Variants in CMPK1 observed in about 807,000 individuals in gnomAD.
CMPK1 encodes the protein cytidine/uridine monophosphate kinase 1, also known as UMP-CMP kinase.
In CMPK1, 10 loss-of-function variants were observed where a neutral mutation model predicts 25.7. The ratio of observed to expected loss-of-function variants is 0.39; its 90% CI spans 0.24 to 0.66. The LOEUF (loss-of-function observed/expected upper bound fraction) is 0.66. Among genes scored for constraint, CMPK1 ranks in the 30% least tolerant of loss-of-function variants. The pLI, the probability that CMPK1 is intolerant of heterozygous loss-of-function variation, is 0.48. For synonymous variants in CMPK1, 106 were observed against 101.5 expected, an observed-to-expected ratio of 1.04 and a Z score of -0.27; for missense variants, 199 against 280.5, an observed-to-expected ratio of 0.71 and a Z score of 2.08.
At chr1:47,340,310 A>C (rs1197251520) in intron 1 of CMPK1, among the ~76,000 whole-genome samples, 1 of 151,648 alleles carries the variant, frequency 6.6e-6, no homozygotes, top group East Asian at 1.9e-4. Flanking sequence ...GTCTCAAAAA[A>C]AAAAAAAAGA....
intron 2 of CMPK1, among the ~76,000 whole-genome samples, chr1:47,369,471 T>G (rs976451835): frequency 1.3e-5 from 2 of 152,214 alleles, no homozygotes; most frequent in Non-Finnish European, 2.9e-5. Context: ...CACTTGGTCC[T>G]TTCTTCCCAA....
intron 1 of CMPK1, among the ~76,000 whole-genome samples, chr1:47,342,746 T>C (rs1646450904): frequency 6.7e-6 from 1 of 149,472 alleles, no homozygotes. Flanking sequence ...GCCTCCCGGG[T>C]TCAAGAAATT....
At chr1:47,376,591 C>T in intron 5 of CMPK1, 113 bp from the exon 6 acceptor site, 2 of 582,490 alleles carry the variant, frequency 3.4e-6, no homozygotes, top group Non-Finnish European at 6.2e-6. Context: ...GCTGGGATTA[C>T]AGATGTGAGC....
chr1:47,353,061 GTTTTTC>G (rs1646533961), intron 1 of CMPK1, among the ~76,000 whole-genome samples: 1 of 152,164 alleles, frequency 6.6e-6, no homozygotes, highest in Admixed American at 6.5e-5. Flanking sequence ...AGTGATTGAT[GTTTTTC>G]TAAAAAGTCA....
intron 1 of CMPK1, among the ~76,000 whole-genome samples, chr1:47,367,063 T>G (rs566806037): frequency 5.9e-5 from 9 of 152,184 alleles, no homozygotes; most frequent in Admixed American, 5.9e-4. Context: ...TTAATAGAGA[T>G]GAGGTCTGTG....
chr1:47,334,102 G>T lies in CMPK1; in HGVS notation c.157G>T (p.Ala53Ser), dbSNP rs764535721. 1.3e-6 allele frequency: 2 copies of T among 1,519,312 alleles called. No individual in the cohort carries two copies. The highest frequency in any genetic ancestry group is 1.2e-5 in the South Asian group (1 of 81,732). 94.1% of individuals were successfully genotyped at this position (1,519,312 alleles called of 1,614,324 possible). ...GPGAGKGTQCARIVEKYGYTH... is the reference protein window; with the variant it reads ...GPGAGKGTQCSRIVEKYGYTH... The stretch of plus-strand genomic sequence containing the variant: ...CGGCGCCGGCAAGGGGACCCAGTGC[G>T]CCCGCATCGTCGAGGTGAGGCCCGG... The change falls in exon 1 of 6, where the codon GCC becomes TCC. Residue 53 changes from alanine (A) to serine (S), a missense_variant. By Grantham distance (99) the Ala-to-Ser change is moderately conservative. Transcript: ENST00000371873.
At chr1:47,371,669 A>G (rs1445602775) in intron 2 of CMPK1, among the ~76,000 whole-genome samples, 2 of 152,154 alleles carry the variant, frequency 1.3e-5, no homozygotes, top group Admixed American at 1.3e-4. Flanking sequence ...GGTCTTATTC[A>G]GCTCTCATTT....
intron 1 of CMPK1, among the ~76,000 whole-genome samples, chr1:47,348,501 CA>C (rs1646500589): frequency 6.6e-6 from 1 of 152,158 alleles, no homozygotes; most frequent in African/African-American, 2.4e-5. Flanking sequence ...GTAAAGTTAA[CA>C]AACCATCACT....
In CMPK1 at chr1:47,369,091, C is replaced by T. The variant is rs1345300062; in HGVS notation, c.318+476C>T. ...TGATCACAGCTTGCTGCAGCCTCAA[C>T]CTTCCAGGCTTAAGCCATCTTCCCA... is the stretch of plus-strand genomic sequence containing the variant. On this transcript the variant is annotated intron_variant, in intron 2 of 5. Transcript: ENST00000371873. 3.3e-5 allele frequency among the ~76,000 whole-genome samples: 5 copies of T among 152,190 alleles called. No homozygotes were observed. The South Asian group carries it at 6.2e-4, about 19-fold the overall frequency.
At chr1:47,337,832 C>T (rs1367840801) in intron 1 of CMPK1, among the ~76,000 whole-genome samples, 3 of 151,964 alleles carry the variant, frequency 2.0e-5, no homozygotes, top group Admixed American at 6.6e-5. Flanking sequence ...AGGCTGGTCT[C>T]GAACTCCTGA....
intron 1 of CMPK1, among the ~76,000 whole-genome samples, chr1:47,359,652 G>GTGC (rs1372474163): frequency 2.6e-5 from 4 of 151,914 alleles, no homozygotes; most frequent in Admixed American, 2.6e-4. Context: ...GCCTCCCAAA[G>GTGC]TGCTGGGATT....
In CMPK1 at chr1:47,360,698, C is replaced by G. The variant is rs573442508; in HGVS notation, c.172-7771C>G. On this transcript the variant is annotated intron_variant, in intron 1 of 5. Coordinates refer to ENST00000371873, the MANE Select transcript of CMPK1 (RefSeq NM_016308.3). ...TGTTAATATAACCCTTTTCCTTCCT[C>G]TGTGTCAGCACATTGCTTGGCACTT... Among the ~76,000 whole-genome samples, 11 of 152,348 alleles carry G rather than the reference C, an allele frequency of 7.2e-5. No individual in the cohort carries two copies. In the South Asian group the frequency reaches 1.9e-3, roughly 26 times the overall value.
chr1:47,357,607 C>T (rs552821335), intron 1 of CMPK1, among the ~76,000 whole-genome samples: 1 of 151,758 alleles, frequency 6.6e-6, no homozygotes, highest in South Asian at 2.1e-4. Flanking sequence ...GCCTCAGTCT[C>T]CTGAGTAGCT....
At chr1:47,369,877 T>A (rs567911413) in intron 2 of CMPK1, among the ~76,000 whole-genome samples, 6 of 139,128 alleles carry the variant, frequency 4.3e-5, no homozygotes, top group South Asian at 2.3e-4. Flanking sequence ...TTTTTTTTTT[T>A]AAATAAACCT....
At chr1:47,361,259 C>T (rs2820988) in intron 1 of CMPK1, among the ~76,000 whole-genome samples, 63,687 of 151,856 alleles carry the variant, frequency 0.42, 15,432 homozygotes, top group South Asian at 0.55. Context: ...CATGGTGGTG[C>T]GCACCTGTAA....
At chr1:47,368,173 T>C (rs1646652375) in intron 1 of CMPK1, among the ~76,000 whole-genome samples, 1 of 152,140 alleles carries the variant, frequency 6.6e-6, no homozygotes, top group Non-Finnish European at 1.5e-5. Flanking sequence ...CTCAAACTCC[T>C]GACCTCATGA....
At chr1:47,352,754 T>C (rs1557806600) in intron 1 of CMPK1, among the ~76,000 whole-genome samples, 1 of 152,180 alleles carries the variant, frequency 6.6e-6, no homozygotes, top group African/African-American at 2.4e-5. Context: ...AGTTAGGCTC[T>C]AATCAAGAAC....
Position 47,363,482 on chromosome 1 carries a change from T to C in CMPK1, c.172-4987T>C, listed in dbSNP as rs541457998. On this transcript the variant is annotated intron_variant, in intron 1 of 5. Coordinates refer to ENST00000371873, the MANE Select transcript of CMPK1 (RefSeq NM_016308.3). ...CTACTAAACATACAAAAAAATTTGC[T>C]GCGCATGGTGGCGGCTGCAGTGGTG... Among the ~76,000 whole-genome samples the C allele has an allele frequency of 5.1e-3, 780 of 151,822 alleles. 2 individuals carry two copies. The highest frequency in any genetic ancestry group is 8.4e-3 in the Non-Finnish European group (571 of 67,934).
chr1:47,357,675 G>A (rs925014798), intron 1 of CMPK1, among the ~76,000 whole-genome samples: 14 of 151,908 alleles, frequency 9.2e-5, no homozygotes, highest in Non-Finnish European at 1.6e-4. Context: ...AGTAGAGACA[G>A]GGTTTCGCCA....
Sources: gnomAD v4.1 joint callset for allele counts (sites outside exome capture counted in the v4.1 genomes callset) on GRCh38, gnomAD v4.1.1 for gene constraint, MANE v1.5 for transcripts, NCBI Gene and HGNC (gene_info 2026-07-23, HGNC 2026-07-21) for gene names.